Variants in NR1H4 observed in about 807,000 individuals in gnomAD.
NR1H4 encodes the protein bile acid receptor.
Under a neutral mutation model 58.5 loss-of-function variants are expected in NR1H4, and 23 were observed. The observed-to-expected ratio is 0.39, with a 90% CI of 0.28 to 0.56. NR1H4 has a LOEUF of 0.56. Among genes scored for constraint, NR1H4 ranks in the 20% least tolerant of loss-of-function variants. The pLI is 0.58. For synonymous variants in NR1H4, 214 were observed against 198.0 expected (o/e 1.08, Z -0.68); for missense variants, 487 against 576.9 (o/e 0.84, Z 1.60).
chr12:100,523,872 A>G (rs1744636310), intron 4 of NR1H4, among the ~76,000 whole-genome samples: 1 of 152,224 alleles, frequency 6.6e-6, no homozygotes, highest in Non-Finnish European at 1.5e-5. Context: ...TCTTGCCTTC[A>G]TAGTCACCAT....
At chr12:100,562,065 GA>G (rs964385235) in intron 10 of NR1H4, 67 bp downstream of exon 10, 20 of 791,886 alleles carry the variant, frequency 2.5e-5, no homozygotes, top group African/African-American at 1.2e-4. Context: ...AACGTTTATT[GA>G]AAAAAATCTG....
At chr12:100,487,565 T>G (rs1953517732) in intron 1 of NR1H4, among the ~76,000 whole-genome samples, 1 of 151,368 alleles carries the variant, frequency 6.6e-6, no homozygotes, top group Admixed American at 6.6e-5. Flanking sequence ...CTTTTTCTTT[T>G]CTTTACCTGC....
intron 4 of NR1H4, among the ~76,000 whole-genome samples, chr12:100,519,869 T>G (rs1003420671): frequency 3.3e-5 from 5 of 152,246 alleles, no homozygotes; most frequent in African/African-American, 1.2e-4. Context: ...CCTCCCGACT[T>G]GAATAAGTTT....
intron 9 of NR1H4, among the ~76,000 whole-genome samples, chr12:100,541,575 C>A (rs1954936286): frequency 6.6e-6 from 1 of 151,670 alleles, no homozygotes; most frequent in South Asian, 2.1e-4. Context: ...AGCCACCGTG[C>A]CTGACTAAAG....
intron 4 of NR1H4, among the ~76,000 whole-genome samples, chr12:100,529,746 T>C (rs1481882382): frequency 6.6e-6 from 1 of 152,254 alleles, no homozygotes; most frequent in African/African-American, 2.4e-5. Context: ...TGATTCTGGC[T>C]ACTCTTAATT....
intron 3 of NR1H4, among the ~76,000 whole-genome samples, chr12:100,499,636 C>T (rs1254254452): frequency 1.3e-5 from 2 of 152,156 alleles, no homozygotes; most frequent in Admixed American, 1.3e-4. Context: ...GTAGGCGATT[C>T]CACTGCAGTC....
intron 4 of NR1H4, among the ~76,000 whole-genome samples, chr12:100,518,470 A>G (rs1954322291): frequency 6.6e-6 from 1 of 152,178 alleles, no homozygotes; most frequent in Non-Finnish European, 1.5e-5. Context: ...ATTGATTTTG[A>G]TTTGAGACGT....
chr12:100,528,538 C>A (rs757977143), intron 4 of NR1H4, among the ~76,000 whole-genome samples: 4 of 152,298 alleles, frequency 2.6e-5, no homozygotes, highest in Non-Finnish European at 5.9e-5. Context: ...CCTGTATTAC[C>A]AGCAAGGCTC....
At chr12:100,499,945 T>A in intron 3 of NR1H4, 1 of 456,018 alleles carries the variant, frequency 2.2e-6, no homozygotes, top group East Asian at 6.9e-5. Context: ...CTTATTTAAA[T>A]AAGGTGATAA....
intron 1 of NR1H4, among the ~76,000 whole-genome samples, chr12:100,490,424 A>G (rs1340036975): frequency 1.3e-5 from 2 of 152,184 alleles, no homozygotes; most frequent in Admixed American, 1.3e-4. Flanking sequence ...TCCTATTTTT[A>G]AAGACCAGAG....
chr12:100,538,235 G>A (rs1246243548), intron 8 of NR1H4, among the ~76,000 whole-genome samples: 1 of 152,046 alleles, frequency 6.6e-6, no homozygotes, highest in African/African-American at 2.4e-5. Context: ...GGGAAATGAA[G>A]TTTTTGTTAT....
At chr12:100,483,710 G>A (rs1004737876) in intron 1 of NR1H4, among the ~76,000 whole-genome samples, 16 of 151,984 alleles carry the variant, frequency 1.1e-4, no homozygotes, top group African/African-American at 3.4e-4. Flanking sequence ...CAGGTCAGGC[G>A]CGGTGGCTCA....
chr12:100,493,215 C>A, intron 2 of NR1H4, 55 bp from the exon 3 acceptor site: 1 of 709,558 alleles, frequency 1.4e-6, no homozygotes, highest in South Asian at 1.5e-5. Context: ...CCCCAGCTCT[C>A]CTAACCAACC....
intron 3 of NR1H4, among the ~76,000 whole-genome samples, chr12:100,507,417 A>G (rs1953992856): frequency 6.6e-6 from 1 of 151,998 alleles, no homozygotes; most frequent in Non-Finnish European, 1.5e-5. Flanking sequence ...TATTTTGTCC[A>G]TCAGACATAC....
At chr12:100,520,777 A>G (rs1363133512) in intron 4 of NR1H4, among the ~76,000 whole-genome samples, 1 of 152,192 alleles carries the variant, frequency 6.6e-6, no homozygotes, top group African/African-American at 2.4e-5. Flanking sequence ...GGGCATCTCT[A>G]TGGGAGAGCT....
At position 100,548,012 on chromosome 12, in the gene NR1H4, A is replaced by G. The variant is rs527268060; in HGVS notation, c.1078+7194A>G. ...TGGGATTACAGGCTTGAGCCACCGC[A>G]CCCGGCCCTGTTCCTCTTTTTATTA... On this transcript the variant is annotated intron_variant, in intron 9 of 10. Coordinates refer to ENST00000392986, the MANE Select transcript of NR1H4 (RefSeq NM_001206979.2). Among the ~76,000 whole-genome samples the G allele has an allele frequency of 2.9e-4, 43 of 149,300 alleles. 1 individual carries two copies. Among genetic ancestry groups the G allele is most frequent in the Admixed American group, 1.5e-3 (23 of 14,948 alleles).
chr12:100,514,834 G>A (rs537089028), intron 4 of NR1H4, among the ~76,000 whole-genome samples: 1 of 152,144 alleles, frequency 6.6e-6, no homozygotes, highest in South Asian at 2.1e-4. Context: ...ATATTATATT[G>A]TGTATCATCT....
At chr12:100,503,605 G>A in intron 3 of NR1H4, 1 of 1,120,226 alleles carries the variant, frequency 8.9e-7, no homozygotes, top group Non-Finnish European at 1.2e-6. Flanking sequence ...CAAAGATAGT[G>A]GCTCAGTCAG....
chr12:100,504,048 C>T (rs1272570859), intron 3 of NR1H4, among the ~76,000 whole-genome samples: 6 of 151,484 alleles, frequency 4.0e-5, no homozygotes, highest in Non-Finnish European at 8.8e-5. Flanking sequence ...TATCTAAAAC[C>T]GTAGGTTGTG....
Sources: allele counts gnomAD v4.1 joint callset (sites outside exome capture counted in the v4.1 genomes callset), GRCh38; gene constraint gnomAD v4.1.1; transcripts MANE v1.5; gene names NCBI Gene and HGNC (gene_info 2026-07-23, HGNC 2026-07-21).